The following LYZL4 variants were observed in gnomAD, a reference collection of about 807,000 sequenced individuals.
The protein encoded by LYZL4 is lysozyme-like protein 4.
Under a neutral mutation model 17.6 loss-of-function variants are expected in LYZL4, and 13 were observed. That is an observed-to-expected ratio of 0.74 (90% CI 0.48 to 1.18). The LOEUF (loss-of-function observed/expected upper bound fraction) is 1.18. Among genes scored for constraint, LYZL4 ranks in the 50% most tolerant of loss-of-function variants. LYZL4 has a pLI of 0.00. For missense variants in LYZL4, 174 were observed against 188.2 expected (o/e 0.92, Z 0.44); for synonymous variants, 64 against 67.7 (o/e 0.95, Z 0.27).
the LYZL4 span, among the ~76,000 whole-genome samples, chr3:42,389,450 C>A: frequency 1.3e-5 from 2 of 152,232 alleles, no homozygotes; most frequent in African/African-American, 4.8e-5. Flanking sequence ...GTAAACCCTA[C>A]AGGTGGCTGA....
chr3:42,394,355 CTCTGTG>C (rs1274249185), downstream of LYZL4, among the ~76,000 whole-genome samples: 1 of 152,140 alleles, frequency 6.6e-6, no homozygotes, highest in African/African-American at 2.4e-5. Context: ...TGGAAGGGAG[CTCTGTG>C]TGGGGATATA....
the LYZL4 span, among the ~76,000 whole-genome samples, chr3:42,372,960 A>G: frequency 6.6e-6 from 1 of 152,116 alleles, no homozygotes; most frequent in Admixed American, 6.5e-5. Context: ...TAATCCCAGC[A>G]TTTTGGGAGG....
At chr3:42,402,862 T>C (rs1160940019) in intron 4 of LYZL4, among the ~76,000 whole-genome samples, 4 of 152,086 alleles carry the variant, frequency 2.6e-5, no homozygotes, top group Non-Finnish European at 5.9e-5. Context: ...TGCCCACAAA[T>C]AGAGGAATGC....
the LYZL4 span, among the ~76,000 whole-genome samples, chr3:42,376,164 T>TA: frequency 2.0e-5 from 3 of 152,240 alleles, no homozygotes; most frequent in South Asian, 6.2e-4. Flanking sequence ...ATCAGCTCAT[T>TA]AAGGAATGTG....
chr3:42,377,397 A>G, the LYZL4 span, among the ~76,000 whole-genome samples: 1 of 152,130 alleles, frequency 6.6e-6, no homozygotes, highest in Non-Finnish European at 1.5e-5. Flanking sequence ...ACTATCCCCC[A>G]AGCAGTTCTT....
At chr3:42,361,413 A>T in the LYZL4 span, among the ~76,000 whole-genome samples, 1 of 152,318 alleles carries the variant, frequency 6.6e-6, no homozygotes, top group Non-Finnish European at 1.5e-5. Flanking sequence ...AAGGGAGGGT[A>T]GGAAGGACAG....
chr3:42,370,229 A>G, the LYZL4 span, among the ~76,000 whole-genome samples: 1 of 152,090 alleles, frequency 6.6e-6, no homozygotes, highest in Non-Finnish European at 1.5e-5. Context: ...CACTGCCCCT[A>G]TTTAGTAGTT....
chr3:42,386,930 G>C, the LYZL4 span, among the ~76,000 whole-genome samples: 4 of 152,122 alleles, frequency 2.6e-5, no homozygotes, highest in Non-Finnish European at 2.9e-5. Flanking sequence ...TAAGTATGTG[G>C]GGGTTCACTG....
chr3:42,392,184 A>C (rs565319094), downstream of LYZL4, among the ~76,000 whole-genome samples: 7 of 152,288 alleles, frequency 4.6e-5, no homozygotes, highest in African/African-American at 1.7e-4. Flanking sequence ...TCAGTGAGAC[A>C]AGGCAAGGGA....
chr3:42,402,340 C>A (rs1162888522), intron 4 of LYZL4, among the ~76,000 whole-genome samples: 1 of 126,606 alleles, frequency 7.9e-6, no homozygotes, highest in Admixed American at 7.9e-5. Context: ...TTTGAGATGT[C>A]TCTTATAAAA....
At chr3:42,393,814 C>A (rs1698518883), downstream of LYZL4, among the ~76,000 whole-genome samples, 1 of 152,084 alleles carries the variant, frequency 6.6e-6, no homozygotes. Context: ...TTTTTTGAGA[C>A]AGAGTCTTGC....
At chr3:42,367,770 C>A in the LYZL4 span, among the ~76,000 whole-genome samples, 1 of 152,060 alleles carries the variant, frequency 6.6e-6, no homozygotes, top group Non-Finnish European at 1.5e-5. Context: ...GTACAGTGCT[C>A]GGGACAGGGT....
At chr3:42,363,159 A>G in the LYZL4 span, among the ~76,000 whole-genome samples, 72 of 152,222 alleles carry the variant, frequency 4.7e-4, 1 homozygote, top group Admixed American at 4.2e-3. Context: ...GGGAAAAAAA[A>G]GTAGATTATT....
chr3:42,407,495 A>C, intron 1 of LYZL4, 152 bp from the exon 2 acceptor site: 2 of 531,494 alleles, frequency 3.8e-6, no homozygotes, highest in Non-Finnish European at 3.3e-6. Context: ...CCTCCTCTTG[A>C]CCTCCTATTT....
At chr3:42,364,405 C>T in the LYZL4 span, among the ~76,000 whole-genome samples, 9 of 146,164 alleles carry the variant, frequency 6.2e-5, no homozygotes, top group African/African-American at 2.3e-4. Flanking sequence ...TGCAGTGGCA[C>T]GATCTTGGCT....
At chr3:42,392,589 T>C (rs1425077232), downstream of LYZL4, among the ~76,000 whole-genome samples, 1 of 152,146 alleles carries the variant, frequency 6.6e-6, no homozygotes, top group African/African-American at 2.4e-5. Flanking sequence ...GTAACCAGGA[T>C]TGGGCAGCCA....
At chr3:42,374,202 A>G in the LYZL4 span, among the ~76,000 whole-genome samples, 1 of 152,246 alleles carries the variant, frequency 6.6e-6, no homozygotes, top group African/African-American at 2.4e-5. Flanking sequence ...AAAGCTCAGG[A>G]ATTAAGGTGT....
downstream of LYZL4, among the ~76,000 whole-genome samples, chr3:42,396,613 T>A (rs1434893425): frequency 1.3e-5 from 2 of 152,240 alleles, no homozygotes; most frequent in Admixed American, 1.3e-4. Context: ...CAGCAGGAAA[T>A]GCAACCAAAA....
At chr3:42,403,988 G>A (rs1433175000) in intron 4 of LYZL4, 58 bp downstream of exon 4, 1 of 1,256,362 alleles carries the variant, frequency 8.0e-7, no homozygotes, top group Non-Finnish European at 1.2e-6. Context: ...CCAAGATTCA[G>A]ATTAGAGATC....
Sources: allele counts gnomAD v4.1 joint callset (sites outside exome capture counted in the v4.1 genomes callset), GRCh38; gene constraint gnomAD v4.1.1; transcripts MANE v1.5; gene names NCBI Gene and HGNC (gene_info 2026-07-23, HGNC 2026-07-21).